KIF14: variants seen among roughly 807,000 people sequenced by gnomAD.
KIF14 encodes kinesin family member 14.
Under a neutral mutation model 176.2 loss-of-function variants are expected in KIF14, and 98 were observed. The observed-to-expected ratio is 0.56, with a 90% CI of 0.47 to 0.66. The LOEUF is 0.66. Ranked by LOEUF, KIF14 falls within the 30% of genes least tolerant of loss-of-function variation. The pLI is 0.00. For synonymous variants in KIF14, 566 were observed against 632.2 expected (o/e 0.90, Z 1.57); for missense variants, 1,751 against 1,920.4 (o/e 0.91, Z 1.65).
intron 18 of KIF14, among the ~76,000 whole-genome samples, chr1:200,586,800 T>C (rs935897322): frequency 6.9e-6 from 1 of 145,660 alleles, no homozygotes; most frequent in Admixed American, 6.9e-5. Flanking sequence ...CATATATATA[T>C]ATATATATAT....
chr1:200,606,944 C>T, intron 5 of KIF14, 146 bp from the exon 6 acceptor site: 1 of 708,594 alleles, frequency 1.4e-6, no homozygotes, highest in South Asian at 1.8e-5. Flanking sequence ...AAAACTCTCA[C>T]AAAAACAAAT....
chr1:200,564,676 A>G (rs1189948946), intron 25 of KIF14, among the ~76,000 whole-genome samples: 1 of 152,168 alleles, frequency 6.6e-6, no homozygotes, highest in East Asian at 1.9e-4. Context: ...AGCATGGTAT[A>G]ATGGCAGAGC....
At position 200,612,004 on chromosome 1, in the gene KIF14, T is replaced by C. The variant is rs1274101432; in HGVS notation, c.1455+2314A>G. Among the ~76,000 whole-genome samples, 6 of 151,764 alleles carry C rather than the reference T, an allele frequency of 4.0e-5. No individual in the cohort carries two copies. The South Asian group carries it at 1.3e-3, about 32-fold the overall frequency. On this transcript the variant is annotated intron_variant, in intron 4 of 29. Transcript: ENST00000367350. The stretch of plus-strand genomic sequence containing the variant: ...TGTATCTCCAAAGTCCATGCTCTTT[T>C]TTTTTTTCTTTTTTTTGAGACAGAG...
chr1:200,573,423 A>ATTTTTTTTTTT (rs1657921825), intron 22 of KIF14, among the ~76,000 whole-genome samples: 16 of 84,414 alleles, frequency 1.9e-4, no homozygotes, highest in Non-Finnish European at 2.6e-4. Flanking sequence ...CAAGGAGCTC[A>ATTTTTTTTTTT]TTTCTTTTTT....
intron 4 of KIF14, among the ~76,000 whole-genome samples, chr1:200,609,633 A>G (rs1368988738): frequency 6.6e-6 from 1 of 152,254 alleles, no homozygotes; most frequent in Admixed American, 6.5e-5. Flanking sequence ...TAGGCGACAG[A>G]GTGAGACTCC....
intron 6 of KIF14, 78 bp downstream of exon 6, chr1:200,606,668 A>G (rs1487131884): frequency 1.6e-6 from 2 of 1,277,354 alleles, no homozygotes; most frequent in Non-Finnish European, 2.3e-6. Flanking sequence ...ATGAGAATAC[A>G]ATAAAGATTA....
At chr1:200,564,932 C>A (rs1170051393) in intron 25 of KIF14, 137 bp downstream of exon 25, 1 of 640,864 alleles carries the variant, frequency 1.6e-6, no homozygotes, top group Non-Finnish European at 2.7e-6. Context: ...TACAGACAAC[C>A]ACAGTCTCAG....
chr1:200,575,070 C>T (rs952504579), intron 22 of KIF14, among the ~76,000 whole-genome samples: 5 of 150,756 alleles, frequency 3.3e-5, no homozygotes, highest in African/African-American at 9.7e-5. Context: ...CATTCTCCTG[C>T]CTAAGCCTCC....
chr1:200,617,766 A>T lies in KIF14; in HGVS notation c.958T>A (p.Ser320Thr). The change falls in exon 2 of 30, where the codon TCC becomes ACC. Residue 320 changes from serine (S) to threonine (T), a missense_variant. By Grantham distance (58) the Ser-to-Thr change is moderately conservative. Coordinates refer to ENST00000367350, the MANE Select transcript of KIF14 (RefSeq NM_014875.3). Reference protein sequence around the residue: ...NLQVKQRPKSSFLANKQERSA... With the variant: ...NLQVKQRPKSTFLANKQERSA... ...CTTTCCTGTTTATTTGCAAGAAAGG[A>T]ACTTTTTGGTCTTTGTTTAACTTGA... 3 of 1,614,114 alleles carry T rather than the reference A, an allele frequency of 1.9e-6. No individual in the cohort carries two copies. The highest frequency in any genetic ancestry group is 2.5e-6 in the Non-Finnish European group (3 of 1,180,012).
chr1:200,587,642 G>A (rs771704669), intron 18 of KIF14, among the ~76,000 whole-genome samples: 3 of 151,922 alleles, frequency 2.0e-5, no homozygotes, highest in East Asian at 1.9e-4. Context: ...GTGAAACCCC[G>A]TCTCTACTAA....
intron 27 of KIF14, among the ~76,000 whole-genome samples, chr1:200,556,724 AGCAGAAATTCTTT>A (rs1656848713): frequency 6.6e-6 from 1 of 152,232 alleles, no homozygotes; most frequent in African/African-American, 2.4e-5. Context: ...ACTTATTGCC[AGCAGAAATTCTTT>A]GCAATAGTGA....
In KIF14 at chr1:200,555,388, A is replaced by G. The variant is rs200528613; in HGVS notation, c.4420T>C (p.Ser1474Pro). The change falls in exon 28 of 30, where the codon TCG becomes CCG. Residue 1474 changes from serine (S) to proline (P), a missense_variant. Physicochemically the swap from Ser to Pro is moderately conservative, Grantham distance 74. Coordinates refer to ENST00000367350, the MANE Select transcript of KIF14 (RefSeq NM_014875.3). ...IRSLENIFAESKIKSFRRQVQ... is the reference protein window; with the variant it reads ...IRSLENIFAEPKIKSFRRQVQ... ...TTTAAAGCTTCTCTTACAATTTTCG[A>G]TTCAGCAAAGATGTTTTCAAGAGAT... The G allele has an allele frequency of 1.6e-5, 26 of 1,575,822 alleles. No homozygotes were observed. In the African/African-American group the frequency reaches 3.4e-4, roughly 21 times the overall value.
At chr1:200,563,189 A>T (rs528892391) in intron 25 of KIF14, among the ~76,000 whole-genome samples, 3 of 152,324 alleles carry the variant, frequency 2.0e-5, no homozygotes, top group South Asian at 4.1e-4. Flanking sequence ...CCCATTCAGG[A>T]AGTATTTGAC....
At chr1:200,616,003 C>T (rs898016825) in intron 2 of KIF14, among the ~76,000 whole-genome samples, 2 of 152,010 alleles carry the variant, frequency 1.3e-5, no homozygotes, top group Non-Finnish European at 2.9e-5. Flanking sequence ...GCATAAAATA[C>T]AAATATCTAA....
chr1:200,583,220 G>T (rs926973488), intron 19 of KIF14, among the ~76,000 whole-genome samples: 1 of 150,624 alleles, frequency 6.6e-6, no homozygotes, highest in Non-Finnish European at 1.5e-5. Flanking sequence ...AACAAATCAA[G>T]TTTTTTTTTT....
chr1:200,575,379 G>A (rs1199153148), intron 22 of KIF14, among the ~76,000 whole-genome samples: 2 of 152,068 alleles, frequency 1.3e-5, no homozygotes, highest in Admixed American at 1.3e-4. Flanking sequence ...TCTTCTAACT[G>A]ACTAATAAAC....
intron 23 of KIF14, among the ~76,000 whole-genome samples, chr1:200,567,491 G>A (rs1257985953): frequency 6.9e-6 from 1 of 144,484 alleles, no homozygotes; most frequent in Non-Finnish European, 1.5e-5. Context: ...CTGAGATTGC[G>A]CCACTGCACT....
At chr1:200,602,824 T>G (rs1018512487) in intron 10 of KIF14, among the ~76,000 whole-genome samples, 3 of 152,226 alleles carry the variant, frequency 2.0e-5, no homozygotes, top group African/African-American at 7.2e-5. Flanking sequence ...ATTATTCAAC[T>G]TCTCTTTATA....
At chr1:200,612,400 AC>A (rs1192800808) in intron 4 of KIF14, among the ~76,000 whole-genome samples, 2 of 152,132 alleles carry the variant, frequency 1.3e-5, no homozygotes, top group Non-Finnish European at 2.9e-5. Context: ...CATTCCAAAG[AC>A]CTTTGCCTCC....
Sources: allele counts gnomAD v4.1 joint callset (sites outside exome capture counted in the v4.1 genomes callset), GRCh38; gene constraint gnomAD v4.1.1; transcripts MANE v1.5; gene names NCBI Gene and HGNC (gene_info 2026-07-23, HGNC 2026-07-21).